The following GRM5 variants were observed in gnomAD, a reference collection of about 807,000 sequenced individuals.
GRM5 encodes the protein glutamate metabotropic receptor 5.
In GRM5, 19 loss-of-function variants were observed where a neutral mutation model predicts 83.1. The observed-to-expected ratio is 0.23, with a 90% CI of 0.16 to 0.34. The LOEUF (loss-of-function observed/expected upper bound fraction) is 0.34, where lower values mean the gene tolerates loss of function less well. GRM5 is among the 10% of genes least tolerant of loss of function. The pLI, the probability that GRM5 is intolerant of heterozygous loss-of-function variation, is 1.00. For synonymous variants in GRM5, 675 were observed against 633.6 expected, an observed-to-expected ratio of 1.07 and a Z score of -0.98; for missense variants, 1,160 against 1,588.3, an observed-to-expected ratio of 0.73 and a Z score of 4.58.
At chr11:88,790,756 G>A (rs182921101) in intron 3 of GRM5, among the ~76,000 whole-genome samples, 1 of 152,174 alleles carries the variant, frequency 6.6e-6, no homozygotes, top group East Asian at 1.9e-4. Context: ...GAAATATCAC[G>A]ATATACTGTA....
chr11:88,830,955 T>A (rs528399804), intron 3 of GRM5, among the ~76,000 whole-genome samples: 1 of 152,044 alleles, frequency 6.6e-6, no homozygotes, highest in Non-Finnish European at 1.5e-5. Flanking sequence ...CCAGATCTCA[T>A]GAGACTTAGC....
chr11:88,509,085 C>A lies in GRM5; in HGVS notation c.3146G>T (p.Arg1049Leu). 1 of 1,550,464 alleles carries A rather than the reference C, an allele frequency of 6.4e-7. No individual in the cohort carries two copies. Among genetic ancestry groups the A allele is most frequent in the Non-Finnish European group, 8.7e-7 (1 of 1,147,454 alleles). Residue 1049 changes from arginine (R) to leucine (L), a missense_variant, in exon 10 of 10, where the codon CGC becomes CTC. Around this residue, in one of 9 missense-constraint regions of GRM5, gnomAD observed 562 missense variants for 532.4 expected, o/e 1.06. Coordinates refer to ENST00000305447, the MANE Select transcript of GRM5 (RefSeq NM_001143831.3). The stretch of plus-strand genomic sequence containing the variant: ...GAGGGAGCCCTGCGAGGAGCTGCTG[C>A]GCGCCACAGGCTCCGAGTGCAGCGA... ...VPSLHSEPVA[R>L]SSSSQGSLME...
intron 3 of GRM5, among the ~76,000 whole-genome samples, chr11:88,680,834 G>A (rs1353027217): frequency 6.6e-6 from 1 of 152,050 alleles, no homozygotes; most frequent in African/African-American, 2.4e-5. Context: ...GGTCTAAAAA[G>A]CCCTCTGAAA....
At chr11:88,905,585 G>A (rs1945390033) in intron 2 of GRM5, among the ~76,000 whole-genome samples, 1 of 152,090 alleles carries the variant, frequency 6.6e-6, no homozygotes. Context: ...CAAGTAATCT[G>A]TCTGCCTCGG....
chr11:88,994,318 A>C (rs1164835907), intron 2 of GRM5, among the ~76,000 whole-genome samples: 13 of 151,810 alleles, frequency 8.6e-5, no homozygotes, highest in African/African-American at 3.1e-4. Flanking sequence ...AAAGCAATCT[A>C]CACATTAAAT....
intron 1 of GRM5, among the ~76,000 whole-genome samples, chr11:89,060,397 T>C (rs539769691): frequency 6.6e-6 from 1 of 152,116 alleles, no homozygotes; most frequent in East Asian, 1.9e-4. Context: ...ATGAATTAAT[T>C]GCACAAATAA....
intron 3 of GRM5, among the ~76,000 whole-genome samples, chr11:88,830,955 T>C (rs528399804): frequency 6.6e-6 from 1 of 152,162 alleles, no homozygotes; most frequent in African/African-American, 2.4e-5. Context: ...CCAGATCTCA[T>C]GAGACTTAGC....
chr11:89,013,511 A>G (rs1427461054), intron 2 of GRM5, among the ~76,000 whole-genome samples: 1 of 152,194 alleles, frequency 6.6e-6, no homozygotes, highest in Non-Finnish European at 1.5e-5. Flanking sequence ...GGTGAAGTCA[A>G]CAATACAAAT....
intron 3 of GRM5, among the ~76,000 whole-genome samples, chr11:88,829,204 T>G (rs1250351660): frequency 6.6e-6 from 1 of 152,192 alleles, no homozygotes; most frequent in East Asian, 1.9e-4. Context: ...CTCATGCCTA[T>G]AATTCCAACG....
chr11:88,825,154 G>A (rs1412727266), intron 3 of GRM5, among the ~76,000 whole-genome samples: 13 of 151,124 alleles, frequency 8.6e-5, no homozygotes, highest in Non-Finnish European at 7.4e-5. Flanking sequence ...CTATCTGATG[G>A]CTATTTAACT....
At chr11:88,982,646 T>C (rs1939565567) in intron 2 of GRM5, among the ~76,000 whole-genome samples, 1 of 152,268 alleles carries the variant, frequency 6.6e-6, no homozygotes, top group Non-Finnish European at 1.5e-5. Context: ...ACACACACAA[T>C]AAATCTTTAA....
In GRM5 at chr11:88,597,298, G is replaced by A. The variant is rs200348804; in HGVS notation, c.1449C>T (p.Asn483=). 4.2e-4 allele frequency: 657 copies of A among 1,571,430 alleles called. 6 individuals carry two copies. In the South Asian group the frequency reaches 6.3e-3, roughly 15 times the overall value. ...ATTCTCCATTGTCCCAACTTCCAAC[G>A]TTGATATAATCAAAGTAATCTTTTC... ...EMGKDYFDYI[N]VGSWDNGELK... Residue 483 remains asparagine (N), a synonymous_variant, in exon 6 of 10, where the codon AAC becomes AAT. Transcript: ENST00000305447.
chr11:88,632,295 G>T (rs189997095), intron 4 of GRM5, among the ~76,000 whole-genome samples: 92 of 130,960 alleles, frequency 7.0e-4, no homozygotes, highest in Non-Finnish European at 1.3e-3. Context: ...CATCCTGGCT[G>T]GAGTGCAGTG....
intron 3 of GRM5, among the ~76,000 whole-genome samples, chr11:88,800,384 T>A (rs1477298371): frequency 6.6e-6 from 1 of 151,650 alleles, no homozygotes; most frequent in African/African-American, 2.4e-5. Context: ...ACAGGCAGAG[T>A]TATGTAGTTC....
chr11:88,941,699 T>C (rs936603015), intron 2 of GRM5, among the ~76,000 whole-genome samples: 1 of 152,046 alleles, frequency 6.6e-6, no homozygotes, highest in African/African-American at 2.4e-5. Flanking sequence ...GGGAACATAA[T>C]ATAAATTTTA....
chr11:88,504,937 T>C lies in GRM5; in HGVS notation c.*3655A>G, dbSNP rs1414860895. On this transcript the variant is annotated 3_prime_UTR_variant, in exon 10 of 10. Coordinates refer to ENST00000305447, the MANE Select transcript of GRM5 (RefSeq NM_001143831.3). ...AATCTTTTAGGATTGGCACCATCTT[T>C]CTAAAACATCTATAATCTATATAGA... The C allele has an allele frequency of 6.6e-6, 1 of 152,178 alleles. No individual in the cohort carries two copies. Among genetic ancestry groups the C allele is most frequent in the East Asian group, 1.9e-4 (1 of 5,202 alleles). 9.4% of individuals were successfully genotyped at this position (152,178 alleles called of 1,614,324 possible).
chr11:89,007,394 G>C (rs550237686), intron 2 of GRM5, among the ~76,000 whole-genome samples: 1 of 152,292 alleles, frequency 6.6e-6, no homozygotes, highest in Non-Finnish European at 1.5e-5. Flanking sequence ...GGCATCTTTT[G>C]AGTGGAGGAA....
chr11:88,669,930 T>C (rs1168253392), intron 3 of GRM5, among the ~76,000 whole-genome samples: 1 of 152,040 alleles, frequency 6.6e-6, no homozygotes, highest in Non-Finnish European at 1.5e-5. Flanking sequence ...AGACGATATT[T>C]ACAAGTAGGT....
At chr11:88,812,098 AGT>A (rs1272983662) in intron 3 of GRM5, among the ~76,000 whole-genome samples, 2 of 152,190 alleles carry the variant, frequency 1.3e-5, no homozygotes, top group Non-Finnish European at 2.9e-5. Flanking sequence ...CTGTTTTATA[AGT>A]CTGAAGGGTA....
Sources: gnomAD v4.1 joint callset for allele counts (sites outside exome capture counted in the v4.1 genomes callset) on GRCh38, gnomAD v4.1.1 for gene constraint, gnomAD v4.1.1 regional missense constraint, MANE v1.5 for transcripts, NCBI Gene and HGNC (gene_info 2026-07-23, HGNC 2026-07-21) for gene names.